The following CACNA1A variants were observed in gnomAD, a reference collection of about 807,000 sequenced individuals.
CACNA1A encodes voltage-dependent P/Q-type calcium channel subunit alpha-1A.
CACNA1A carries 57 observed loss-of-function variants against 262.4 expected under a neutral mutation model. The ratio of observed to expected loss-of-function variants is 0.22; its 90% CI spans 0.18 to 0.27. CACNA1A has a LOEUF of 0.27. CACNA1A is among the 10% of genes least tolerant of loss of function. CACNA1A has a pLI of 1.00. For missense variants in CACNA1A, 2,526 were observed against 3,562.8 expected, an observed-to-expected ratio of 0.71 and a Z score of 7.41; for synonymous variants, 1,431 against 1,419.3, an observed-to-expected ratio of 1.01 and a Z score of -0.18.
intron 1 of CACNA1A, among the ~76,000 whole-genome samples, chr19:13,457,028 T>A (rs2061024682): frequency 6.6e-6 from 1 of 152,046 alleles, no homozygotes; most frequent in Admixed American, 6.6e-5. Flanking sequence ...GGTAGGAGGA[T>A]TACTTGAGCA....
At chr19:13,329,108 C>T (rs2058421991) in intron 10 of CACNA1A, among the ~76,000 whole-genome samples, 1 of 152,122 alleles carries the variant, frequency 6.6e-6, no homozygotes. Flanking sequence ...TACATTCTCA[C>T]TTTAGAAGGT....
chr19:13,268,633 A>T (rs537368913), intron 24 of CACNA1A, among the ~76,000 whole-genome samples: 6 of 151,704 alleles, frequency 4.0e-5, no homozygotes, highest in Admixed American at 2.0e-4. Flanking sequence ...ATGGGGTTTC[A>T]CCGTGTTAGC....
chr19:13,348,438 C>T (rs941921016), intron 6 of CACNA1A, among the ~76,000 whole-genome samples: 1 of 152,170 alleles, frequency 6.6e-6, no homozygotes, highest in African/African-American at 2.4e-5. Context: ...CATGGTGGCT[C>T]ATGCCTGTAA....
At chr19:13,495,012 G>A (rs889305522) in intron 1 of CACNA1A, among the ~76,000 whole-genome samples, 1 of 152,170 alleles carries the variant, frequency 6.6e-6, no homozygotes, top group Non-Finnish European at 1.5e-5. Flanking sequence ...CTGCTTGGAA[G>A]AGAAAGAGTC....
chr19:13,402,765 T>C (rs968000825), intron 3 of CACNA1A, among the ~76,000 whole-genome samples: 4 of 130,990 alleles, frequency 3.1e-5, no homozygotes, highest in Non-Finnish European at 4.6e-5. Context: ...CACACATATA[T>C]ATACATATAT....
intron 24 of CACNA1A, 53 bp from the exon 25 acceptor site, chr19:13,262,886 G>T: frequency 1.6e-6 from 2 of 1,282,544 alleles, no homozygotes; most frequent in Non-Finnish European, 2.2e-6. Context: ...CAGAGGTCAG[G>T]TTGGGTAGGG....
intron 3 of CACNA1A, among the ~76,000 whole-genome samples, chr19:13,408,075 C>T (rs561558436): frequency 2.3e-4 from 35 of 152,280 alleles, no homozygotes; most frequent in Non-Finnish European, 3.8e-4. Context: ...CCATGCCTTC[C>T]GCACAGCCTG....
At chr19:13,255,892 C>T (rs1330548485) in intron 28 of CACNA1A, among the ~76,000 whole-genome samples, 3 of 141,874 alleles carry the variant, frequency 2.1e-5, no homozygotes, top group Non-Finnish European at 3.0e-5. Context: ...TCCTTCGCTC[C>T]CTTTCTTTCT....
intron 34 of CACNA1A, among the ~76,000 whole-genome samples, chr19:13,232,392 T>TG (rs1023517419): frequency 6.6e-6 from 1 of 151,918 alleles, no homozygotes; most frequent in African/African-American, 2.4e-5. Flanking sequence ...TTTGTAGAGA[T>TG]GGGGTTTCAC....
intron 1 of CACNA1A, among the ~76,000 whole-genome samples, chr19:13,468,078 C>A (rs1298092248): frequency 6.6e-6 from 1 of 151,868 alleles, no homozygotes; most frequent in African/African-American, 2.4e-5. Flanking sequence ...TAACATGACT[C>A]ATGGAAAACA....
rs573961089 is a variant in CACNA1A at position 13,207,572 on chromosome 19, G to A, written c.7262C>T (p.Pro2421Leu). ...GGCCTCCTCGCCGCCCCCGCTGCCCGGGCCATCGGCCTCGTCGTAGTCGGA... is the reference window on the plus strand; with the variant it reads ...GGCCTCCTCGCCGCCCCCGCTGCCCAGGCCATCGGCCTCGTCGTAGTCGGA... ...RGSDYDEADG[P>L]GSGGGEEAMA... The change falls in exon 47 of 47, where the codon CCG (proline) becomes CTG (leucine). Residue 2421 changes from proline to leucine, a missense_variant. Coordinates refer to ENST00000360228, the MANE Select transcript of CACNA1A (RefSeq NM_001127222.2). This position sits in a 1 kb window ranked among gnomAD's most constrained non-coding sequence, Gnocchi z 5.7. The A allele has an allele frequency of 7.3e-4, 1,072 of 1,473,788 alleles. 8 individuals are homozygous for A. Among genetic ancestry groups the A allele is most frequent in the Non-Finnish European group, 2.6e-4 (289 of 1,112,440 alleles). The allele number at this position is 1,473,788 out of a possible 1,614,324, so 91.3% of individuals were successfully genotyped here.
chr19:13,344,735 AT>A (rs752948929), intron 6 of CACNA1A, among the ~76,000 whole-genome samples: 16,380 of 116,216 alleles, frequency 0.14, 1,181 homozygotes, highest in East Asian at 0.42. Context: ...TGGATCATTT[AT>A]TTTATTTATT....
At chr19:13,485,714 C>T (rs1415370813) in intron 1 of CACNA1A, among the ~76,000 whole-genome samples, 5 of 152,112 alleles carry the variant, frequency 3.3e-5, no homozygotes, top group Admixed American at 2.6e-4. Context: ...CCTGACAATA[C>T]CAAGTGTTGG....
intron 18 of CACNA1A, 108 bp downstream of exon 18, chr19:13,300,442 A>G: frequency 1.3e-6 from 1 of 753,252 alleles, no homozygotes; most frequent in East Asian, 2.5e-5. Flanking sequence ...GTCTCTTCCT[A>G]AAGCTCAGTT....
At chr19:13,361,997 T>C (rs1339258504) in intron 5 of CACNA1A, 23 of 141,568 alleles carry the variant, frequency 1.6e-4, no homozygotes, top group African/African-American at 3.6e-4. Flanking sequence ...CTCCCTCCCT[T>C]CCTTCCTTCT....
chr19:13,226,231 A>C (rs1218887425), intron 37 of CACNA1A: 1 of 113,908 alleles, frequency 8.8e-6, no homozygotes. Flanking sequence ...GCAGAGACTG[A>C]GAGAAGCGAC....
chr19:13,346,637 TATATA>T (rs2058773530), intron 6 of CACNA1A, among the ~76,000 whole-genome samples: 1 of 5,346 alleles, frequency 1.9e-4, no homozygotes, highest in Non-Finnish European at 4.6e-4. Flanking sequence ...TATATATATA[TATATA>T]TATATATATA....
chr19:13,227,322 G>A, intron 37 of CACNA1A, 109 bp downstream of exon 37: 1 of 524,570 alleles, frequency 1.9e-6, no homozygotes, highest in East Asian at 3.1e-5. Flanking sequence ...GAGAAACGTT[G>A]GAAAAAGAGA....
At chr19:13,240,500 G>A (rs1166093961) in intron 31 of CACNA1A, among the ~76,000 whole-genome samples, 2 of 151,508 alleles carry the variant, frequency 1.3e-5, no homozygotes, top group Non-Finnish European at 2.9e-5. Context: ...TGCAGTGCCA[G>A]TGTGTGTACA....
Sources: allele counts gnomAD v4.1 joint callset (sites outside exome capture counted in the v4.1 genomes callset), GRCh38; gene constraint gnomAD v4.1.1; non-coding constraint Gnocchi (gnomAD v3.1); transcripts MANE v1.5; gene names NCBI Gene and HGNC (gene_info 2026-07-23, HGNC 2026-07-21).